CHD1: variants seen among roughly 807,000 people sequenced by gnomAD.
CHD1 encodes ATP-dependent chromatin remodeler CHD1.
In CHD1, 36 loss-of-function variants were observed where a neutral mutation model predicts 224.2. The ratio of observed to expected loss-of-function variants is 0.16; its 90% CI spans 0.12 to 0.21. The LOEUF (loss-of-function observed/expected upper bound fraction) is 0.21. CHD1 is among the 10% of genes least tolerant of loss of function. The pLI is 1.00. For missense variants in CHD1, 1,378 were observed against 1,994.8 expected (o/e 0.69, Z 5.89); for synonymous variants, 668 against 658.3 (o/e 1.01, Z -0.23).
In CHD1 at chr5:98,876,036, C is replaced by T. The variant is rs139486651; in HGVS notation, c.3398+362G>A. ...CTGTTGTTAAGAAACTAGAAAAATA[C>T]AGAATTTCCACAAAAAATTAGTAAC... On this transcript the variant is annotated intron_variant, in intron 24 of 35. Transcript: ENST00000614616. Among the ~76,000 whole-genome samples the T allele has an allele frequency of 1.8e-3, 277 of 152,168 alleles. 1 individual carries two copies. The highest frequency in any genetic ancestry group is 6.1e-3 in the African/African-American group (255 of 41,548).
At chr5:98,916,545 C>CA (rs33988135) in intron 2 of CHD1, among the ~76,000 whole-genome samples, 4,011 of 36,128 alleles carry the variant, frequency 0.11, 45 homozygotes, top group Non-Finnish European at 0.15. Context: ...AACTCCGTCT[C>CA]AAAAAAAAAA....
At position 98,892,453 on chromosome 5, in the gene CHD1, C is replaced by A. The variant is rs1751086018; in HGVS notation, c.2180+72G>T. The A allele has an allele frequency of 3.5e-6, 4 of 1,153,990 alleles. No homozygotes were observed. The Admixed American group carries it at 6.6e-5, about 19-fold the overall frequency. 71.5% of individuals were successfully genotyped at this position (1,153,990 alleles called of 1,614,324 possible). ...CACTATTGTAGAGAAGGTGGGGGCACCAAAAGCAGGACACAGACATGGAAG... is the reference window on the plus strand; with the variant it reads ...CACTATTGTAGAGAAGGTGGGGGCAACAAAAGCAGGACACAGACATGGAAG... On this transcript the variant is annotated intron_variant, in intron 15 of 35. Transcript: ENST00000614616.
chr5:98,898,443 GA>G lies in CHD1; in HGVS notation c.1187-10del. On this transcript the variant is annotated splice_polypyrimidine_tract_variant and intron_variant, in intron 9 of 35. Transcript: ENST00000614616. The stretch of plus-strand genomic sequence containing the variant: ...CTTTTGATTGGAATGAGCTGTGAGA[GA>G]ATCAGGCATTTACTTATTTATTTAT... 1 of 1,545,170 alleles carries G rather than the reference GA, an allele frequency of 6.5e-7. No homozygotes were observed. Among genetic ancestry groups the G allele is most frequent in the Non-Finnish European group, 8.7e-7 (1 of 1,153,956 alleles).
chr5:98,907,050 C>A (rs986440513), intron 2 of CHD1, among the ~76,000 whole-genome samples: 3 of 152,154 alleles, frequency 2.0e-5, no homozygotes, highest in Non-Finnish European at 4.4e-5. Context: ...TCTCATTAGT[C>A]ATTAGTCATT....
rs1471289655 is a variant in CHD1 at position 98,876,429 on chromosome 5, T to C, written c.3367A>G (p.Ile1123Val). 2.5e-6 allele frequency: 4 copies of C among 1,614,096 alleles called. No homozygotes were observed. Among genetic ancestry groups the C allele is most frequent in the Non-Finnish European group, 3.4e-6 (4 of 1,179,952 alleles). The part of the protein sequence containing the change: ...GRPRTIPREN[I>V]KGFSDAEIRR... ...ATTTCTGCATCACTAAATCCTTTAA[T>C]ATTCTCCCGAGGAATAGTCCGTGGT... The change falls in exon 24 of 36, where the codon ATT (isoleucine) becomes GTT (valine). Residue 1123 changes from isoleucine (I) to valine (V), a missense_variant. Ile to Val is a conservative substitution (Grantham distance 29). Coordinates refer to ENST00000614616, the MANE Select transcript of CHD1 (RefSeq NM_001270.4).
At chr5:98,861,829 G>C (rs767602861) in intron 32 of CHD1, among the ~76,000 whole-genome samples, 1 of 151,866 alleles carries the variant, frequency 6.6e-6, no homozygotes, top group African/African-American at 2.4e-5. Context: ...AGGGGATCGG[G>C]TCAGCCAATG....
intron 23 of CHD1, among the ~76,000 whole-genome samples, chr5:98,878,417 C>A (rs1749926008): frequency 6.6e-6 from 1 of 152,206 alleles, no homozygotes; most frequent in Admixed American, 6.5e-5. Flanking sequence ...TGGGGCAAGC[C>A]CCTCATTTGC....
At chr5:98,926,206 G>A in intron 2 of CHD1, 128 bp downstream of exon 2, 1 of 575,406 alleles carries the variant, frequency 1.7e-6, no homozygotes, top group Non-Finnish European at 3.0e-6. Flanking sequence ...TATTTGGATA[G>A]CTAAGAGGAA....
chr5:98,919,021 T>C (rs1752926346), intron 2 of CHD1, among the ~76,000 whole-genome samples: 1 of 152,218 alleles, frequency 6.6e-6, no homozygotes, highest in South Asian at 2.1e-4. Flanking sequence ...TTATCACCCC[T>C]AGATTATAAT....
intron 2 of CHD1, among the ~76,000 whole-genome samples, chr5:98,906,005 T>C (rs571677059): frequency 2.0e-4 from 31 of 152,278 alleles, no homozygotes; most frequent in African/African-American, 7.2e-4. Flanking sequence ...TTTACAGATA[T>C]ACAAGAAAAT....
chr5:98,924,454 G>A (rs951326557), intron 2 of CHD1, among the ~76,000 whole-genome samples: 3 of 152,198 alleles, frequency 2.0e-5, no homozygotes, highest in Admixed American at 6.5e-5. Flanking sequence ...TAATTAAAAT[G>A]AAACTTCAAT....
At chr5:98,893,176 G>C (rs1751128959) in intron 14 of CHD1, among the ~76,000 whole-genome samples, 1 of 152,066 alleles carries the variant, frequency 6.6e-6, no homozygotes, top group African/African-American at 2.4e-5. Flanking sequence ...GGTATATTTT[G>C]AAAATGTGCA....
chr5:98,900,196 G>A (rs893793705), intron 7 of CHD1, among the ~76,000 whole-genome samples: 35 of 151,374 alleles, frequency 2.3e-4, no homozygotes, highest in African/African-American at 8.3e-4. Context: ...GCAGGAGAAT[G>A]GCGTGAACCT....
chr5:98,908,343 T>C (rs973261639), intron 2 of CHD1, among the ~76,000 whole-genome samples: 4 of 152,134 alleles, frequency 2.6e-5, no homozygotes, highest in African/African-American at 9.7e-5. Context: ...TTAAATCAGG[T>C]TTACTTCCAC....
chr5:98,879,887 AG>A, intron 22 of CHD1, among the ~76,000 whole-genome samples, 159 bp from the exon 23 acceptor site: 1 of 152,336 alleles, frequency 6.6e-6, no homozygotes, highest in Admixed American at 6.5e-5. Flanking sequence ...TTTCTTCATT[AG>A]GGCAAAGCAG....
chr5:98,867,795 G>GTT (rs71619163), intron 31 of CHD1, among the ~76,000 whole-genome samples: 1,808 of 97,958 alleles, frequency 0.018, 47 homozygotes, highest in East Asian at 0.029. Flanking sequence ...TATCTTCCTT[G>GTT]TTTTTTTTTT....
intron 7 of CHD1, among the ~76,000 whole-genome samples, 186 bp from the exon 8 acceptor site, chr5:98,899,891 A>C (rs897874875): frequency 5.9e-5 from 9 of 152,178 alleles, no homozygotes; most frequent in Non-Finnish European, 1.3e-4. Flanking sequence ...ATTATCTAAT[A>C]TAATCCCCTC....
At chr5:98,861,142 C>T (rs945912985) in intron 32 of CHD1, among the ~76,000 whole-genome samples, 10 of 152,164 alleles carry the variant, frequency 6.6e-5, no homozygotes, top group African/African-American at 2.4e-4. Flanking sequence ...AGAATTAGTG[C>T]CTCTTTTAAA....
At chr5:98,874,528 C>T (rs1390259540) in intron 25 of CHD1, among the ~76,000 whole-genome samples, 14 of 138,174 alleles carry the variant, frequency 1.0e-4, no homozygotes, top group Non-Finnish European at 1.4e-4. Context: ...GGTGAAACCC[C>T]GTCTCTACTA....
Sources: allele counts gnomAD v4.1 joint callset (sites outside exome capture counted in the v4.1 genomes callset), GRCh38; gene constraint gnomAD v4.1.1; transcripts MANE v1.5; gene names NCBI Gene and HGNC (gene_info 2026-07-23, HGNC 2026-07-21).